The following CADM2 variants were observed in gnomAD, a reference collection of about 807,000 sequenced individuals.
CADM2 encodes immunoglobulin superfamily member 4D.
CADM2 carries 12 observed loss-of-function variants against 49.8 expected under a neutral mutation model. The ratio of observed to expected loss-of-function variants is 0.24; its 90% confidence interval spans 0.15 to 0.39. The LOEUF is 0.39. Among genes scored for constraint, CADM2 ranks in the 10% least tolerant of loss-of-function variants. The pLI, the probability that CADM2 is intolerant of heterozygous loss-of-function variation, is 1.00. For missense variants in CADM2, 378 were observed against 492.3 expected (o/e 0.77, Z 2.20); for synonymous variants, 214 against 175.4 (o/e 1.22, Z -1.74).
chr3:85,019,628 C>T (rs1338020449), intron 1 of CADM2, among the ~76,000 whole-genome samples: 1 of 152,112 alleles, frequency 6.6e-6, no homozygotes, highest in Non-Finnish European at 1.5e-5. Flanking sequence ...TGCTTACAAT[C>T]CAAAATAGAG....
chr3:85,829,458 A>G (rs2074081518), intron 3 of CADM2, among the ~76,000 whole-genome samples: 1 of 151,992 alleles, frequency 6.6e-6, no homozygotes, highest in Admixed American at 6.6e-5. Context: ...TTAACTATGG[A>G]AAAAAATCAC....
chr3:85,108,333 G>A (rs1025511970), intron 1 of CADM2, among the ~76,000 whole-genome samples: 2 of 152,210 alleles, frequency 1.3e-5, no homozygotes, highest in African/African-American at 4.8e-5. Context: ...TAGATAAAAT[G>A]TGGTGTATGC....
At chr3:85,096,058 T>C (rs1019199506) in intron 1 of CADM2, among the ~76,000 whole-genome samples, 1 of 152,118 alleles carries the variant, frequency 6.6e-6, no homozygotes, top group Non-Finnish European at 1.5e-5. Flanking sequence ...ATGTGACTTG[T>C]CTGTCTGTCT....
intron 1 of CADM2, among the ~76,000 whole-genome samples, chr3:85,160,857 T>G (rs1032800898): frequency 6.6e-6 from 1 of 152,186 alleles, no homozygotes; most frequent in Admixed American, 6.5e-5. Flanking sequence ...GAAATAAATA[T>G]TACTTCTGTC....
chr3:85,913,873 A>G (rs1025642956), intron 6 of CADM2, among the ~76,000 whole-genome samples: 5 of 152,118 alleles, frequency 3.3e-5, no homozygotes, highest in Non-Finnish European at 5.9e-5. Context: ...GGTGTAATGC[A>G]GAGGGAAGGG....
intron 8 of CADM2, among the ~76,000 whole-genome samples, chr3:85,961,861 T>C (rs1311181901): frequency 6.6e-6 from 1 of 151,934 alleles, no homozygotes; most frequent in Non-Finnish European, 1.5e-5. Context: ...AATTTTTTTT[T>C]GTAAAAAGCT....
intron 1 of CADM2, among the ~76,000 whole-genome samples, chr3:85,187,078 G>A (rs1576071311): frequency 6.6e-6 from 1 of 152,106 alleles, no homozygotes; most frequent in African/African-American, 2.4e-5. Context: ...AAATAAACCA[G>A]TGTGTATAGA....
In CADM2 at chr3:86,068,069, G is replaced by A. The variant is rs762480220; in HGVS notation, c.*1286G>A. On this transcript the variant is annotated 3_prime_UTR_variant, in exon 10 of 10. Transcript: ENST00000383699. ...CTTACCTATGTTGGTTTGCCAAAAA[G>A]AAGTGTTTAAGATATGTTTTCTGTA... The A allele has an allele frequency of 3.3e-5, 5 of 152,326 alleles. No homozygotes were observed. The highest frequency in any genetic ancestry group is 7.4e-5 in the Non-Finnish European group (5 of 67,834). The allele number at this position is 152,326 out of a possible 1,614,324, so 9.4% of individuals were successfully genotyped here.
At chr3:85,404,348 T>A (rs2035269660) in intron 1 of CADM2, among the ~76,000 whole-genome samples, 1 of 152,024 alleles carries the variant, frequency 6.6e-6, no homozygotes, top group Non-Finnish European at 1.5e-5. Context: ...ATTGTGTATG[T>A]GTTTATGTAC....
chr3:85,853,303 A>G (rs1249099063), intron 3 of CADM2, among the ~76,000 whole-genome samples: 1 of 151,642 alleles, frequency 6.6e-6, no homozygotes, highest in Non-Finnish European at 1.5e-5. Context: ...AGCAACAAAA[A>G]CAACAACAAC....
intron 1 of CADM2, among the ~76,000 whole-genome samples, chr3:85,332,833 AC>A (rs1168637491): frequency 6.7e-6 from 1 of 150,080 alleles, no homozygotes; most frequent in Non-Finnish European, 1.5e-5. Context: ...AAATCTGTGA[AC>A]AAGGCTTTTT....
At chr3:85,439,687 C>T (rs962635429) in intron 1 of CADM2, among the ~76,000 whole-genome samples, 1 of 151,860 alleles carries the variant, frequency 6.6e-6, no homozygotes, top group African/African-American at 2.4e-5. Context: ...TGTTTTGGGC[C>T]ACTTGACTCC....
intron 5 of CADM2, among the ~76,000 whole-genome samples, chr3:85,902,673 T>C (rs1716282170): frequency 6.6e-6 from 1 of 151,522 alleles, no homozygotes; most frequent in Non-Finnish European, 1.5e-5. Flanking sequence ...AAATATTTTC[T>C]AGTTTAACAT....
At chr3:85,376,318 C>A (rs759375280) in intron 1 of CADM2, among the ~76,000 whole-genome samples, 8 of 152,004 alleles carry the variant, frequency 5.3e-5, no homozygotes, top group Admixed American at 1.3e-4. Context: ...AACCTCACAG[C>A]AGGGACAGTG....
At chr3:86,044,164 G>T (rs1052395791) in intron 8 of CADM2, among the ~76,000 whole-genome samples, 3 of 152,114 alleles carry the variant, frequency 2.0e-5, no homozygotes, top group Non-Finnish European at 2.9e-5. Flanking sequence ...ACGACTTCAC[G>T]TCTAAAACAC....
chr3:85,406,268 T>A (rs2035371467), intron 1 of CADM2, among the ~76,000 whole-genome samples: 1 of 152,116 alleles, frequency 6.6e-6, no homozygotes, highest in Admixed American at 6.6e-5. Context: ...GAAGAGATAA[T>A]ACCAGGAATT....
At chr3:85,557,390 A>T (rs1488041264) in intron 1 of CADM2, among the ~76,000 whole-genome samples, 1 of 151,938 alleles carries the variant, frequency 6.6e-6, no homozygotes, top group Non-Finnish European at 1.5e-5. Flanking sequence ...TTGAAACAGT[A>T]GACTCAATTT....
Position 86,066,933 on chromosome 3 carries a change from A to T in CADM2, c.*150A>T. On this transcript the variant is annotated 3_prime_UTR_variant, in exon 10 of 10. Transcript: ENST00000383699. Reference sequence around the variant, plus strand: ...CAGTAGCCAGTGTATACCAACAATCAGCTGTTGAAAGCATCATTCTTTAAT... The same window carrying T: ...CAGTAGCCAGTGTATACCAACAATCTGCTGTTGAAAGCATCATTCTTTAAT... 3.1e-6 allele frequency: 2 copies of T among 638,978 alleles called. No individual in the cohort carries two copies. The highest frequency in any genetic ancestry group is 5.2e-5 in the Admixed American group (2 of 38,576). The allele number at this position is 638,978 out of a possible 1,614,324, so 39.6% of individuals were successfully genotyped here. A position where few individuals can be genotyped will look rare whatever the true frequency, so the allele number is the denominator to read the frequency against.
At chr3:86,064,220 G>A (rs1344371976) in intron 8 of CADM2, among the ~76,000 whole-genome samples, 7 of 151,044 alleles carry the variant, frequency 4.6e-5, no homozygotes, top group South Asian at 2.1e-4. Flanking sequence ...CCCACCCCAC[G>A]ACAGGCCCCG....
Sources: gnomAD v4.1 joint callset for allele counts (sites outside exome capture counted in the v4.1 genomes callset) on GRCh38, gnomAD v4.1.1 for gene constraint, MANE v1.5 for transcripts, NCBI Gene and HGNC (gene_info 2026-07-23, HGNC 2026-07-21) for gene names.